The following UGT2A2 variants were observed in gnomAD, a reference collection of about 807,000 sequenced individuals.
The protein encoded by UGT2A2 is UDP glucuronosyltransferase family 2 member A2.
UGT2A2 carries 60 observed loss-of-function variants against 50.7 expected under a neutral mutation model. The ratio of observed to expected loss-of-function variants is 1.18; its 90% CI spans 0.96 to 1.47. UGT2A2 has a LOEUF of 1.47. Ranked by LOEUF, UGT2A2 falls within the 40% of genes most tolerant of loss-of-function variation. The pLI, the probability that UGT2A2 is intolerant of heterozygous loss-of-function variation, is 0.00. For synonymous variants in UGT2A2, 242 were observed against 214.6 expected, an observed-to-expected ratio of 1.13 and a Z score of -1.11; for missense variants, 762 against 634.0, an observed-to-expected ratio of 1.20 and a Z score of -2.17.
At chr4:69,625,243 A>T (rs1720984606) in intron 1 of UGT2A2, among the ~76,000 whole-genome samples, 1 of 150,196 alleles carries the variant, frequency 6.7e-6, no homozygotes, top group Non-Finnish European at 1.5e-5. Context: ...ACTCTTCAAT[A>T]TATTGATTAT....
intron 1 of UGT2A2, among the ~76,000 whole-genome samples, chr4:69,601,480 C>T (rs974719143): frequency 2.0e-5 from 3 of 152,154 alleles, no homozygotes; most frequent in African/African-American, 7.2e-5. Flanking sequence ...CACCTCTTGG[C>T]TAGAGGCCAA....
intron 5 of UGT2A2, among the ~76,000 whole-genome samples, chr4:69,593,722 T>C (rs1267173068): frequency 6.6e-6 from 1 of 151,776 alleles, no homozygotes; most frequent in Non-Finnish European, 1.5e-5. Flanking sequence ...CTATATCTTT[T>C]CTCTCTGTGT....
chr4:69,603,126 G>A (rs1458629654), intron 1 of UGT2A2, among the ~76,000 whole-genome samples: 1 of 135,852 alleles, frequency 7.4e-6, no homozygotes, highest in Non-Finnish European at 1.6e-5. Flanking sequence ...AAAATCACAA[G>A]TTTCATAAAC....
rs1297722111 is a variant in UGT2A2, at chr4:69,606,897, C to G, written c.743-7503G>C. On this transcript the variant is annotated intron_variant, in intron 1 of 5. Transcript: ENST00000604629. The stretch of plus-strand genomic sequence containing the variant: ...AAGGACCTCTTCAAGAACTACAAAC[C>G]ACTGCTCAATGAAATAAAAGAGGAT... Among the ~76,000 whole-genome samples, 4 of 135,784 alleles carry G rather than the reference C, an allele frequency of 2.9e-5. 2 individuals carry two copies. Among genetic ancestry groups the G allele is most frequent in the African/African-American group, 1.2e-4 (4 of 33,378 alleles). 89.1% of individuals were successfully genotyped at this position (135,784 alleles called of 152,430 possible).
chr4:69,620,082 T>A (rs1179630977), intron 1 of UGT2A2, among the ~76,000 whole-genome samples: 2 of 151,898 alleles, frequency 1.3e-5, no homozygotes, highest in African/African-American at 4.8e-5. Context: ...CAAAGACAAG[T>A]ATGCCCTCTC....
chr4:69,621,900 G>A lies in UGT2A2; in HGVS notation c.742+16999C>T, dbSNP rs1002740227. Among the ~76,000 whole-genome samples, 9 of 151,736 alleles carry A rather than the reference G, an allele frequency of 5.9e-5. No homozygotes were observed. In the East Asian group the frequency reaches 1.4e-3, roughly 23 times the overall value. On this transcript the variant is annotated intron_variant, in intron 1 of 5. Transcript: ENST00000604629. ...GGGTCATTATTCTTAGCAAACTAAT[G>A]CAGACACAGAACACCAAATACCACA...
intron 1 of UGT2A2, among the ~76,000 whole-genome samples, chr4:69,623,363 AG>A (rs1356936615): frequency 6.6e-6 from 1 of 151,762 alleles, no homozygotes; most frequent in Non-Finnish European, 1.5e-5. Flanking sequence ...TTTGAATACA[AG>A]TAATTTTTGT....
At chr4:69,604,541 T>A (rs1305314971) in intron 1 of UGT2A2, among the ~76,000 whole-genome samples, 1 of 136,400 alleles carries the variant, frequency 7.3e-6, no homozygotes, top group Non-Finnish European at 1.6e-5. Context: ...GCTAACATCA[T>A]AATGACAGGA....
chr4:69,596,126 C>G, intron 3 of UGT2A2, 124 bp downstream of exon 3: 2 of 1,287,312 alleles, frequency 1.6e-6, no homozygotes, highest in Non-Finnish European at 1.0e-6. Context: ...ACGTTACTTA[C>G]AACTGTTACT....
At chr4:69,611,772 A>G (rs1365847522) in intron 1 of UGT2A2, among the ~76,000 whole-genome samples, 1 of 152,152 alleles carries the variant, frequency 6.6e-6, no homozygotes, top group Non-Finnish European at 1.5e-5. Flanking sequence ...TCTGAAATAC[A>G]CAATTTAGTA....
At chr4:69,631,986 G>A (rs181904510) in intron 1 of UGT2A2, among the ~76,000 whole-genome samples, 36 of 152,196 alleles carry the variant, frequency 2.4e-4, no homozygotes, top group Admixed American at 9.2e-4. Flanking sequence ...ACCACAGTTT[G>A]TATAAATCCA....
chr4:69,621,873 G>A (rs564680659), intron 1 of UGT2A2, among the ~76,000 whole-genome samples: 16 of 151,782 alleles, frequency 1.1e-4, no homozygotes, highest in African/African-American at 3.9e-4. Context: ...GAGCTGGGGG[G>A]AGGGTCATTA....
chr4:69,635,849 A>AAAAAAAAAAAAAAGAG (rs772370302), intron 1 of UGT2A2: 2 of 118,512 alleles, frequency 1.7e-5, no homozygotes, highest in African/African-American at 8.0e-5. Context: ...AAAAAAAAAA[A>AAAAAAAAAAAAAAGAG]AGAGAGAGAG....
chr4:69,625,003 C>CA (rs144107776), intron 1 of UGT2A2, among the ~76,000 whole-genome samples: 52,363 of 150,102 alleles, frequency 0.35, 9,437 homozygotes, highest in African/African-American at 0.42. Context: ...CTTGTAGCAA[C>CA]AAAAAAAATC....
chr4:69,604,250 G>A lies in UGT2A2; in HGVS notation c.743-4856C>T, dbSNP rs1304625624. On this transcript the variant is annotated intron_variant, in intron 1 of 5. Coordinates refer to ENST00000604629, the MANE Select transcript of UGT2A2 (RefSeq NM_001105677.2). ...GAAACTCTACAAGCCAGAAGACAGT[G>A]GGGACCAATATTCACCATTCTTAAA... is the stretch of plus-strand genomic sequence containing the variant. 1.5e-5 allele frequency among the ~76,000 whole-genome samples: 2 copies of A among 136,778 alleles called. 1 individual carries two copies. The highest frequency in any genetic ancestry group is 3.1e-5 in the Non-Finnish European group (2 of 64,280). 89.7% of individuals were successfully genotyped at this position (136,778 alleles called of 152,430 possible).
At chr4:69,637,638 C>G (rs1336857201) in intron 1 of UGT2A2, among the ~76,000 whole-genome samples, 2 of 152,112 alleles carry the variant, frequency 1.3e-5, no homozygotes, top group African/African-American at 4.8e-5. Context: ...CAAACTCACT[C>G]TAAGAACTAT....
At chr4:69,621,033 C>T (rs1274602274) in intron 1 of UGT2A2, among the ~76,000 whole-genome samples, 1 of 151,806 alleles carries the variant, frequency 6.6e-6, no homozygotes, top group African/African-American at 2.4e-5. Context: ...ATGTAAAACC[C>T]AAAACTATAG....
intron 1 of UGT2A2, among the ~76,000 whole-genome samples, chr4:69,633,630 T>C (rs75855169): frequency 0.23 from 34,551 of 152,126 alleles, 4,193 homozygotes; most frequent in Non-Finnish European, 0.25. Flanking sequence ...GAGCACAGCA[T>C]ATCTACATGC....
intron 1 of UGT2A2, among the ~76,000 whole-genome samples, chr4:69,616,808 C>G (rs1381135689): frequency 6.8e-6 from 1 of 145,998 alleles, no homozygotes; most frequent in Non-Finnish European, 1.5e-5. Context: ...ATGACACTTT[C>G]TAAATTTCTC....
Sources: gnomAD v4.1 joint callset for allele counts (sites outside exome capture counted in the v4.1 genomes callset) on GRCh38, gnomAD v4.1.1 for gene constraint, MANE v1.5 for transcripts, NCBI Gene and HGNC (gene_info 2026-07-23, HGNC 2026-07-21) for gene names.